SMARCAD1: variants seen among roughly 807,000 people sequenced by gnomAD.
The protein encoded by SMARCAD1 is SWI/SNF-related matrix-associated actin-dependent regulator of chromatin subfamily A containing DEAD/H box 1.
In SMARCAD1, 25 loss-of-function variants were observed where a neutral mutation model predicts 127.1. The ratio of observed to expected loss-of-function variants is 0.20; its 90% CI spans 0.14 to 0.27. SMARCAD1 has a LOEUF of 0.27. Among genes scored for constraint, SMARCAD1 ranks in the 10% least tolerant of loss-of-function variants. The probability of loss-of-function intolerance (pLI) is 1.00; values close to 1 mark genes in which losing one functional copy is unlikely to be tolerated. For synonymous variants in SMARCAD1, 400 were observed against 396.9 expected (o/e 1.01, Z -0.09); for missense variants, 807 against 1,206.0 (o/e 0.67, Z 4.90).
At chr4:94,241,365 C>T (rs1349064290) in intron 6 of SMARCAD1, among the ~76,000 whole-genome samples, 1 of 152,214 alleles carries the variant, frequency 6.6e-6, no homozygotes, top group Admixed American at 6.5e-5. Context: ...TCTCTGCCCT[C>T]TTCATTACAT....
chr4:94,275,980 G>C (rs1579323459), intron 14 of SMARCAD1, among the ~76,000 whole-genome samples: 1 of 151,660 alleles, frequency 6.6e-6, no homozygotes, highest in East Asian at 1.9e-4. Flanking sequence ...TATATTTTTA[G>C]TAGAGACAGG....
Position 94,289,926 on chromosome 4 carries a change from C to T in SMARCAD1, c.*392C>T. ...AATGTGTGTAGATTTTTACATGTGC[C>T]TTATTTGACAATGCTTATGTCTTGT... On this transcript the variant is annotated 3_prime_UTR_variant, in exon 24 of 24. Coordinates refer to ENST00000354268, the MANE Select transcript of SMARCAD1 (RefSeq NM_020159.5). 2.2e-6 allele frequency: 1 copy of T among 454,290 alleles called. No individual in the cohort carries two copies. Among genetic ancestry groups the T allele is most frequent in the South Asian group, 1.6e-5 (1 of 63,764 alleles). 28.1% of individuals were successfully genotyped at this position (454,290 alleles called of 1,614,324 possible).
chr4:94,243,389 A>G (rs1476779483), intron 6 of SMARCAD1, among the ~76,000 whole-genome samples: 6 of 152,184 alleles, frequency 3.9e-5, no homozygotes. Flanking sequence ...ATTCTCAAGT[A>G]TACCATTTCT....
chr4:94,236,927 CAT>C (rs1452419417), intron 4 of SMARCAD1, 23 bp from the exon 5 acceptor site: 3 of 1,581,950 alleles, frequency 1.9e-6, no homozygotes. Flanking sequence ...TGATTTAAAA[CAT>C]TAATCTTTTC....
intron 19 of SMARCAD1, 117 bp from the exon 20 acceptor site, chr4:94,280,475 C>CT (rs759557988): frequency 1.1e-6 from 1 of 911,240 alleles, no homozygotes. Flanking sequence ...GTCTGTTACA[C>CT]TAAAAGGTTC....
At chr4:94,269,037 T>G (rs1490494189) in intron 10 of SMARCAD1, among the ~76,000 whole-genome samples, 1 of 152,108 alleles carries the variant, frequency 6.6e-6, no homozygotes, top group Non-Finnish European at 1.5e-5. Context: ...AATTAGAAAA[T>G]TATAAAGACA....
chr4:94,215,016 C>T (rs112585242), intron 2 of SMARCAD1, among the ~76,000 whole-genome samples: 43 of 152,230 alleles, frequency 2.8e-4, no homozygotes, highest in African/African-American at 8.2e-4. Context: ...CAGTCTTCTC[C>T]TGGCTTTGCT....
chr4:94,287,266 TGTGTCCCGG>T (rs1755077164), intron 23 of SMARCAD1, among the ~76,000 whole-genome samples: 1 of 152,238 alleles, frequency 6.6e-6, no homozygotes, highest in South Asian at 2.1e-4. Context: ...TGTCTTCAGC[TGTGTCCCGG>T]GTTTCATTTA....
chr4:94,275,098 G>T, intron 14 of SMARCAD1, 133 bp downstream of exon 14: 1 of 721,082 alleles, frequency 1.4e-6, no homozygotes, highest in Non-Finnish European at 2.4e-6. Flanking sequence ...GACTAATGTT[G>T]AGGATTCAGG....
intron 9 of SMARCAD1, among the ~76,000 whole-genome samples, chr4:94,260,142 A>G (rs904194805): frequency 6.6e-6 from 1 of 152,088 alleles, no homozygotes; most frequent in Admixed American, 6.5e-5. Context: ...GTAGTTTAAC[A>G]TGTTCCACTG....
intron 6 of SMARCAD1, among the ~76,000 whole-genome samples, chr4:94,243,083 C>T (rs937787614): frequency 1.3e-5 from 2 of 152,130 alleles, no homozygotes; most frequent in African/African-American, 2.4e-5. Context: ...CAGCCTCCCA[C>T]GTAGCTGGGA....
chr4:94,226,586 A>T (rs1158131050), intron 3 of SMARCAD1, among the ~76,000 whole-genome samples: 1 of 149,730 alleles, frequency 6.7e-6, no homozygotes, highest in African/African-American at 2.5e-5. Context: ...GTTTAAAAGA[A>T]TTGTTTAGTA....
chr4:94,218,110 T>G (rs1248448413), intron 2 of SMARCAD1, among the ~76,000 whole-genome samples: 2 of 152,166 alleles, frequency 1.3e-5, no homozygotes, highest in Non-Finnish European at 2.9e-5. Context: ...TTATATATCC[T>G]ACAATTTTTA....
At chr4:94,229,229 TGTA>T (rs1745456461) in intron 3 of SMARCAD1, among the ~76,000 whole-genome samples, 1 of 152,170 alleles carries the variant, frequency 6.6e-6, no homozygotes, top group South Asian at 2.1e-4. Context: ...ACTCAGTAGT[TGTA>T]GTATCTATTG....
At chr4:94,265,029 T>C in intron 10 of SMARCAD1, 123 bp downstream of exon 10, 1 of 877,540 alleles carries the variant, frequency 1.1e-6, no homozygotes, top group Non-Finnish European at 1.8e-6. Flanking sequence ...CCCCCAGGTT[T>C]TCTGTAATGG....
Position 94,252,979 on chromosome 4 carries a change from T to C in SMARCAD1, c.1253T>C (p.Leu418Pro). Residue 418 changes from leucine to proline, a missense_variant, in exon 9 of 24, where the codon CTC (leucine) becomes CCC (proline). Transcript: ENST00000354268. ...SQKKAQKITELRPFNSWEALF... is the reference protein window; with the variant it reads ...SQKKAQKITEPRPFNSWEALF... ...AAAAAGGCTCAGAAGATAACAGAACTCCGGCCCTTTAATAGTTGGGAGGCT... is the reference window on the plus strand; with the variant it reads ...AAAAAGGCTCAGAAGATAACAGAACCCCGGCCCTTTAATAGTTGGGAGGCT... 1 of 1,613,494 alleles carries C rather than the reference T, an allele frequency of 6.2e-7. No individual in the cohort carries two copies. Among genetic ancestry groups the C allele is most frequent in the Non-Finnish European group, 8.5e-7 (1 of 1,180,002 alleles).
intron 2 of SMARCAD1, among the ~76,000 whole-genome samples, chr4:94,223,732 T>G (rs1744537019): frequency 8.4e-6 from 1 of 118,732 alleles, no homozygotes; most frequent in Non-Finnish European, 1.7e-5. Context: ...CACTCCCGGC[T>G]AATTTTTTTT....
rs897986575 is a variant in SMARCAD1 at position 94,291,012 on chromosome 4, T to G, written c.*1478T>G. On this transcript the variant is annotated 3_prime_UTR_variant, in exon 24 of 24. Transcript: ENST00000354268. ...GAACAGACTGAATATATTTTACCATTACAGGGCTAAAAGGAGTCTTCATGT... is the reference window on the plus strand; with the variant it reads ...GAACAGACTGAATATATTTTACCATGACAGGGCTAAAAGGAGTCTTCATGT... The G allele has an allele frequency of 9.0e-6, 4 of 443,826 alleles. No homozygotes were observed. Among genetic ancestry groups the G allele is most frequent in the African/African-American group, 4.0e-5 (2 of 49,476 alleles). 27.5% of individuals were successfully genotyped at this position (443,826 alleles called of 1,614,324 possible).
chr4:94,290,349 A>C lies in SMARCAD1; in HGVS notation c.*815A>C. On this transcript the variant is annotated 3_prime_UTR_variant, in exon 24 of 24. Transcript: ENST00000354268. ...CTGTTGCCCAGTCACTTCTGCTCCA[A>C]TTCTCTTCCTCTCTAAATAGTAGTT... is the stretch of plus-strand genomic sequence containing the variant. 1 of 454,396 alleles carries C rather than the reference A, an allele frequency of 2.2e-6. No individual in the cohort carries two copies. The highest frequency in any genetic ancestry group is 4.4e-6 in the Non-Finnish European group (1 of 226,752). 28.1% of individuals were successfully genotyped at this position (454,396 alleles called of 1,614,324 possible).
Sources: gnomAD v4.1 joint callset for allele counts (sites outside exome capture counted in the v4.1 genomes callset) on GRCh38, gnomAD v4.1.1 for gene constraint, MANE v1.5 for transcripts, NCBI Gene and HGNC (gene_info 2026-07-23, HGNC 2026-07-21) for gene names.